The following PPP2R5A variants were observed in gnomAD, a reference collection of about 807,000 sequenced individuals.
PPP2R5A encodes protein phosphatase 2 regulatory subunit B'alpha.
In PPP2R5A, 25 loss-of-function variants were observed where a neutral mutation model predicts 64.2. The observed-to-expected ratio is 0.39, with a 90% CI of 0.28 to 0.54. The LOEUF is 0.54. Among genes scored for constraint, PPP2R5A ranks in the 20% least tolerant of loss-of-function variants. The pLI is 0.67. For synonymous variants in PPP2R5A, 198 were observed against 201.2 expected, an observed-to-expected ratio of 0.98 and a Z score of 0.13; for missense variants, 425 against 576.3, an observed-to-expected ratio of 0.74 and a Z score of 2.69.
At chr1:212,321,048 G>A (rs1456840073) in intron 1 of PPP2R5A, among the ~76,000 whole-genome samples, 2 of 86,662 alleles carry the variant, frequency 2.3e-5, no homozygotes, top group African/African-American at 5.1e-5. Flanking sequence ...CGGACGGGGC[G>A]GCTGGCCGGG....
chr1:212,346,557 T>C (rs1000108083), intron 5 of PPP2R5A, among the ~76,000 whole-genome samples: 3 of 152,180 alleles, frequency 2.0e-5, no homozygotes, highest in African/African-American at 7.2e-5. Context: ...TGTTATTCTA[T>C]ATTTTAAATT....
chr1:212,318,575 G>GTA (rs1055231338), intron 1 of PPP2R5A, among the ~76,000 whole-genome samples: 17 of 152,262 alleles, frequency 1.1e-4, no homozygotes, highest in Admixed American at 2.0e-4. Flanking sequence ...GTTAAATATG[G>GTA]TATACCATGA....
intron 1 of PPP2R5A, among the ~76,000 whole-genome samples, chr1:212,327,560 G>A (rs1222110091): frequency 2.0e-5 from 3 of 150,394 alleles, no homozygotes; most frequent in Non-Finnish European, 3.0e-5. Context: ...GATTACAGGC[G>A]CCCGCCACCA....
Position 212,360,922 on chromosome 1 carries a change from T to G in PPP2R5A, c.*152T>G, listed in dbSNP as rs1660070092. 6.6e-6 allele frequency: 4 copies of G among 606,550 alleles called. No homozygotes were observed. The highest frequency in any genetic ancestry group is 1.0e-5 in the Non-Finnish European group (4 of 387,642). 37.6% of individuals were successfully genotyped at this position (606,550 alleles called of 1,614,324 possible). A position where few individuals can be genotyped will look rare whatever the true frequency, so the allele number is the denominator to read the frequency against. On this transcript the variant is annotated 3_prime_UTR_variant, in exon 13 of 13. Coordinates refer to ENST00000261461, the MANE Select transcript of PPP2R5A (RefSeq NM_006243.4). ...AATGGAAAAATATATGGACTAAACG[T>G]AGCCCTGTGCTGTATCATGGCCATA...
Position 212,329,325 on chromosome 1 carries a change from A to G in PPP2R5A, c.372A>G (p.Val124=). Residue 124 remains valine, a synonymous_variant, in exon 2 of 13, where the codon GTA becomes GTG. Coordinates refer to ENST00000261461, the MANE Select transcript of PPP2R5A (RefSeq NM_006243.4). ...VIVESAYSDI[V]KMISANIFRT... ...TTGAATCAGCGTATTCTGATATAGT[A>G]AAAATGGTAAGCCTCTAGAATTATG... 6.3e-7 allele frequency: 1 copy of G among 1,588,872 alleles called. No homozygotes were observed. The highest frequency in any genetic ancestry group is 8.6e-7 in the Non-Finnish European group (1 of 1,168,948).
chr1:212,319,883 A>G (rs1289327558), intron 1 of PPP2R5A, among the ~76,000 whole-genome samples: 1 of 150,176 alleles, frequency 6.7e-6, no homozygotes, highest in Non-Finnish European at 1.5e-5. Context: ...TCAGCCTTCC[A>G]AAGTGCTGGG....
At chr1:212,340,977 T>G (rs1209939797) in intron 3 of PPP2R5A, among the ~76,000 whole-genome samples, 1 of 152,228 alleles carries the variant, frequency 6.6e-6, no homozygotes, top group Non-Finnish European at 1.5e-5. Flanking sequence ...TGAATGACTG[T>G]TTTTGCTTTG....
intron 4 of PPP2R5A, among the ~76,000 whole-genome samples, chr1:212,344,586 T>G (rs757812358): frequency 3.3e-5 from 5 of 152,238 alleles, no homozygotes; most frequent in Non-Finnish European, 7.3e-5. Context: ...ATAAAATTCC[T>G]TGACAGCTTT....
At chr1:212,320,677 G>T (rs1184320349) in intron 1 of PPP2R5A, among the ~76,000 whole-genome samples, 1 of 121,530 alleles carries the variant, frequency 8.2e-6, no homozygotes, top group Non-Finnish European at 1.9e-5. Context: ...GGCTGGCCGG[G>T]CGGGGGGCTG....
intron 9 of PPP2R5A, 63 bp downstream of exon 9, chr1:212,356,739 C>T (rs1387795307): frequency 1.3e-6 from 2 of 1,537,930 alleles, no homozygotes; most frequent in Non-Finnish European, 1.8e-6. Context: ...GGGCTATAAA[C>T]CATGCTTCTT....
At chr1:212,351,718 A>G (rs950551271) in intron 8 of PPP2R5A, among the ~76,000 whole-genome samples, 1 of 152,204 alleles carries the variant, frequency 6.6e-6, no homozygotes, top group African/African-American at 2.4e-5. Context: ...CAACAGAGTG[A>G]GACTCCGTCT....
chr1:212,297,809 G>GTTTTTTTTTTTTTTTTTTTTTTTTTT (rs78920543), intron 1 of PPP2R5A: 1 of 40,430 alleles, frequency 2.5e-5, no homozygotes, highest in Non-Finnish European at 4.5e-5. Flanking sequence ...GAAGTGAATT[G>GTTTTTTTTTTTTTTTTTTTTTTTTTT]TTTTTTTTTT....
At chr1:212,305,098 T>G (rs1658873159) in intron 1 of PPP2R5A, among the ~76,000 whole-genome samples, 1 of 142,258 alleles carries the variant, frequency 7.0e-6, no homozygotes, top group African/African-American at 2.8e-5. Flanking sequence ...GTGCAGTGGC[T>G]CCATCTCAGC....
chr1:212,291,430 C>T (rs1370745724), intron 1 of PPP2R5A, among the ~76,000 whole-genome samples: 2 of 152,166 alleles, frequency 1.3e-5, no homozygotes, highest in East Asian at 1.9e-4. Flanking sequence ...AAAATCAATA[C>T]CTGGGCACAT....
intron 1 of PPP2R5A, 103 bp from the exon 2 acceptor site, chr1:212,329,032 G>C (rs1659454786): frequency 9.4e-6 from 8 of 849,082 alleles, no homozygotes; most frequent in Non-Finnish European, 1.3e-5. Flanking sequence ...TAGATTTTTG[G>C]AAGAAGTTTT....
chr1:212,321,274 A>G (rs1659283489), intron 1 of PPP2R5A, among the ~76,000 whole-genome samples: 1 of 138,448 alleles, frequency 7.2e-6, no homozygotes, highest in South Asian at 2.3e-4. Flanking sequence ...GGCCGGGCAG[A>G]GGCGCCCCTC....
rs869112186 is a variant in PPP2R5A at position 212,297,096 on chromosome 1, CTTTTTTTTTTTTTTTTTTTTTT to C, written c.181+10826_181+10847del. 2.8e-4 allele frequency among the ~76,000 whole-genome samples: 23 copies of C among 82,668 alleles called. No homozygotes were observed. The East Asian group carries it at 6.0e-3, about 22-fold the overall frequency. The allele number at this position is 82,668 out of a possible 152,430, so 54.2% of individuals were successfully genotyped here. A position where few individuals can be genotyped will look rare whatever the true frequency, so the allele number is the denominator to read the frequency against. ...TTTCTTTTCTTTTTCTTTGCTTCTT[CTTTTTTTTTTTTTTTTTTTTTT>C]TTTTTTTTTTTTTTTTTTTTGGAGA... On this transcript the variant is annotated intron_variant, in intron 1 of 12. Transcript: ENST00000261461.
intron 1 of PPP2R5A, among the ~76,000 whole-genome samples, chr1:212,291,519 C>T (rs1172951376): frequency 6.6e-6 from 1 of 152,184 alleles, no homozygotes; most frequent in Non-Finnish European, 1.5e-5. Context: ...GTGATTCTAA[C>T]GCGCAGCCAG....
chr1:212,336,342 A>C (rs1309738382), intron 3 of PPP2R5A, among the ~76,000 whole-genome samples: 1 of 151,998 alleles, frequency 6.6e-6, no homozygotes, highest in Non-Finnish European at 1.5e-5. Flanking sequence ...TCTCGAACTC[A>C]GACCTCAAGT....
Sources: gnomAD v4.1 joint callset for allele counts (sites outside exome capture counted in the v4.1 genomes callset) on GRCh38, gnomAD v4.1.1 for gene constraint, MANE v1.5 for transcripts, NCBI Gene and HGNC (gene_info 2026-07-23, HGNC 2026-07-21) for gene names.